The following TTYH2 variants were observed in gnomAD, a reference collection of about 807,000 sequenced individuals.
TTYH2 encodes protein tweety homolog 2.
TTYH2 carries 49 observed loss-of-function variants against 68.3 expected under a neutral mutation model. The observed-to-expected ratio is 0.72, with a 90% confidence interval of 0.57 to 0.91. TTYH2 has a LOEUF of 0.91. Ranked by LOEUF, TTYH2 falls within the 40% of genes least tolerant of loss-of-function variation. The pLI is 0.00. For missense variants in TTYH2, 631 were observed against 700.4 expected (o/e 0.90, Z 1.12); for synonymous variants, 272 against 300.8 (o/e 0.90, Z 0.99).
At position 74,241,398 on chromosome 17, in the gene TTYH2, C is replaced by A. The variant is rs1254320576; in HGVS notation, c.636-1976C>A. ...AAACTGGCTTCTTGGTGGCAGCAGG[C>A]TCTGCCCACTCCCCAAAGCCCCCGG... On this transcript the variant is annotated intron_variant, in intron 4 of 13. Coordinates refer to ENST00000269346, the MANE Select transcript of TTYH2 (RefSeq NM_032646.6). The surrounding 1 kb of genome is among the most constrained non-coding windows in gnomAD (Gnocchi z 4.1). Among the ~76,000 whole-genome samples, 1 of 152,148 alleles carries A rather than the reference C, an allele frequency of 6.6e-6. No homozygotes were observed. The highest frequency in any genetic ancestry group is 1.5e-5 in the Non-Finnish European group (1 of 68,032).
chr17:74,238,166 C>T (rs377097695), intron 4 of TTYH2, among the ~76,000 whole-genome samples: 3 of 152,242 alleles, frequency 2.0e-5, no homozygotes, highest in Admixed American at 6.5e-5. Flanking sequence ...AGGGTGGAAA[C>T]GCCACATGCT....
chr17:74,238,574 T>A (rs951910019), intron 4 of TTYH2, among the ~76,000 whole-genome samples: 3 of 151,314 alleles, frequency 2.0e-5, no homozygotes, highest in Admixed American at 6.6e-5. Context: ...TTTAAAAAAA[T>A]TTTTTTTTGC....
rs1018463593 is a variant in TTYH2 at position 74,214,761 on chromosome 17, C to T, written c.129+1045C>T. On this transcript the variant is annotated intron_variant, in intron 1 of 13. Coordinates refer to ENST00000269346, the MANE Select transcript of TTYH2 (RefSeq NM_032646.6). The surrounding 1 kb of genome is among the most constrained non-coding windows in gnomAD (Gnocchi z 4.6). ...TGAGGTCCATTTATTCAGAGCCAGG[C>T]GCCCATCTCAGGACTTTGGCCCCCG... Among the ~76,000 whole-genome samples, 7 of 152,164 alleles carry T rather than the reference C, an allele frequency of 4.6e-5. No individual in the cohort carries two copies. The highest frequency in any genetic ancestry group is 1.4e-4 in the African/African-American group (6 of 41,438).
At chr17:74,219,407 T>G (rs1243581695) in intron 1 of TTYH2, among the ~76,000 whole-genome samples, 1 of 129,018 alleles carries the variant, frequency 7.8e-6, no homozygotes, top group Non-Finnish European at 1.5e-5. Context: ...AAAAAAAGAA[T>G]AACTTACAGG....
chr17:74,235,719 G>A (rs1414517837), intron 3 of TTYH2, among the ~76,000 whole-genome samples: 1 of 152,016 alleles, frequency 6.6e-6, no homozygotes, highest in Non-Finnish European at 1.5e-5. Context: ...TGGTGAAACT[G>A]TCTCCACTAA....
intron 10 of TTYH2, among the ~76,000 whole-genome samples, chr17:74,251,098 TGCGTGTGTGGTGTGTTTCTG>T (rs1428949735): frequency 1.9e-5 from 1 of 53,214 alleles, no homozygotes; most frequent in East Asian, 2.5e-4. Flanking sequence ...TATATGTCTG[TGCGTGTGTGGTGTGTTTCTG>T]CGGTTGTGTG....
intron 6 of TTYH2, chr17:74,248,535 T>C: frequency 2.0e-6 from 2 of 996,786 alleles, no homozygotes; most frequent in Non-Finnish European, 2.4e-6. Flanking sequence ...GGGGGAGGCT[T>C]CATAGATTGA....
At chr17:74,251,117 TGCG>T (rs2050620207) in intron 10 of TTYH2, among the ~76,000 whole-genome samples, 1 of 136,156 alleles carries the variant, frequency 7.3e-6, no homozygotes, top group Non-Finnish European at 1.6e-5. Context: ...GGTGTGTTTC[TGCG>T]GTTGTGTGGG....
At chr17:74,238,067 C>T (rs532111268) in intron 4 of TTYH2, among the ~76,000 whole-genome samples, 3 of 152,168 alleles carry the variant, frequency 2.0e-5, no homozygotes, top group Non-Finnish European at 4.4e-5. Context: ...GATGTGCTCA[C>T]ACTCCCCGCG....
rs2143704228 is a variant in TTYH2, at chr17:74,214,358, C to T, written c.129+642C>T. On this transcript the variant is annotated intron_variant, in intron 1 of 13. Coordinates refer to ENST00000269346, the MANE Select transcript of TTYH2 (RefSeq NM_032646.6). The surrounding 1 kb of genome is among the most constrained non-coding windows in gnomAD (Gnocchi z 4.6). The stretch of plus-strand genomic sequence containing the variant: ...GCTTGTTCCAGGGAAGGAAGGTGGC[C>T]TCCGTCAGCCCATCTCACACTGTTG... Among the ~76,000 whole-genome samples, 1 of 152,208 alleles carries T rather than the reference C, an allele frequency of 6.6e-6. No homozygotes were observed. Among genetic ancestry groups the T allele is most frequent in the East Asian group, 1.9e-4 (1 of 5,178 alleles).
chr17:74,247,582 T>C (rs568486594), intron 6 of TTYH2, among the ~76,000 whole-genome samples: 1 of 152,224 alleles, frequency 6.6e-6, no homozygotes, highest in East Asian at 1.9e-4. Flanking sequence ...GAGCCTCCTG[T>C]CCCTCTCCTT....
At chr17:74,221,442 C>T (rs967851325) in intron 1 of TTYH2, among the ~76,000 whole-genome samples, 1 of 149,160 alleles carries the variant, frequency 6.7e-6, no homozygotes, top group Non-Finnish European at 1.5e-5. Flanking sequence ...TGATTGCCAC[C>T]CCCTGCATAG....
intron 5 of TTYH2, 137 bp from the exon 6 acceptor site, chr17:74,243,840 T>A: frequency 1.3e-6 from 1 of 758,868 alleles, no homozygotes; most frequent in Non-Finnish European, 2.1e-6. Flanking sequence ...TTCCTAGTAG[T>A]GAGCAGGGCC....
rs2050481776 is a variant in TTYH2, at chr17:74,239,875, A to C, written c.635+2361A>C. 6.6e-6 allele frequency among the ~76,000 whole-genome samples: 1 copy of C among 152,196 alleles called. No individual in the cohort carries two copies. The highest frequency in any genetic ancestry group is 2.4e-5 in the African/African-American group (1 of 41,450). On this transcript the variant is annotated intron_variant, in intron 4 of 13. Transcript: ENST00000269346. This position sits in a 1 kb window ranked among gnomAD's most constrained non-coding sequence, Gnocchi z 5.3. ...GGGCCATTCATTGCCTGAGCCTTCG[A>C]AATCTTATGTCAGGCAGGGGCAGGA...
chr17:74,245,520 C>T (rs1210287252), intron 6 of TTYH2, among the ~76,000 whole-genome samples: 4 of 152,252 alleles, frequency 2.6e-5, no homozygotes, highest in African/African-American at 9.6e-5. Context: ...GGCCGCCCCT[C>T]CCAGTGGGGG....
chr17:74,237,202 G>A, intron 3 of TTYH2, 92 bp from the exon 4 acceptor site: 1 of 1,300,114 alleles, frequency 7.7e-7, no homozygotes, highest in Non-Finnish European at 1.1e-6. Flanking sequence ...ATCGCACCTG[G>A]CCAGGCCACC....
chr17:74,215,842 A>G lies in TTYH2; in HGVS notation c.129+2126A>G. The G allele has an allele frequency of 8.7e-6, 8 of 919,548 alleles. No individual in the cohort carries two copies. Among genetic ancestry groups the G allele is most frequent in the Non-Finnish European group, 1.3e-5 (8 of 600,444 alleles). The allele number at this position is 919,548 out of a possible 1,614,324, so 57.0% of individuals were successfully genotyped here. Reference sequence around the variant, plus strand: ...AGCAAGCTTGACTGGAGCAAGTGCTATGCCAGGCGTGGGGTGACCGTGGTA... The same window carrying G: ...AGCAAGCTTGACTGGAGCAAGTGCTGTGCCAGGCGTGGGGTGACCGTGGTA... On this transcript the variant is annotated intron_variant, in intron 1 of 13. Transcript: ENST00000269346. This position sits in a 1 kb window ranked among gnomAD's most constrained non-coding sequence, Gnocchi z 4.3.
chr17:74,255,601 A>G (rs1435571612), intron 13 of TTYH2, among the ~76,000 whole-genome samples: 3 of 151,938 alleles, frequency 2.0e-5, no homozygotes, highest in African/African-American at 7.2e-5. Flanking sequence ...ACAGGCATGC[A>G]CCACCACACC....
At chr17:74,256,500 A>G (rs1249910274) in intron 13 of TTYH2, among the ~76,000 whole-genome samples, 1 of 152,074 alleles carries the variant, frequency 6.6e-6, no homozygotes, top group Non-Finnish European at 1.5e-5. Flanking sequence ...CTCCTGTGCC[A>G]CCACCTTGGT....
Sources: gnomAD v4.1 joint callset for allele counts (sites outside exome capture counted in the v4.1 genomes callset) on GRCh38, gnomAD v4.1.1 for gene constraint, Gnocchi (gnomAD v3.1) non-coding constraint, MANE v1.5 for transcripts, NCBI Gene and HGNC (gene_info 2026-07-23, HGNC 2026-07-21) for gene names.